The following AK7 variants were observed in gnomAD, a reference collection of about 807,000 sequenced individuals.
The protein encoded by AK7 is adenylate kinase 7.
AK7 carries 78 observed loss-of-function variants against 96.6 expected under a neutral mutation model. The ratio of observed to expected loss-of-function variants is 0.81; its 90% confidence interval spans 0.67 to 0.97. AK7 has a LOEUF of 0.97. Among genes scored for constraint, AK7 ranks in the 50% least tolerant of loss-of-function variants. The pLI is 0.00. For synonymous variants in AK7, 302 were observed against 317.2 expected (o/e 0.95, Z 0.51); for missense variants, 855 against 887.9 (o/e 0.96, Z 0.47).
chr14:96,462,846 AGTT>A (rs1894330369), intron 12 of AK7, among the ~76,000 whole-genome samples: 1 of 152,166 alleles, frequency 6.6e-6, no homozygotes, highest in Non-Finnish European at 1.5e-5. Flanking sequence ...TTCTTAAAAC[AGTT>A]AACCTTGGCC....
At chr14:96,463,333 G>A (rs1431802812) in intron 12 of AK7, among the ~76,000 whole-genome samples, 3 of 152,114 alleles carry the variant, frequency 2.0e-5, no homozygotes, top group African/African-American at 4.8e-5. Flanking sequence ...AAGTCACCAA[G>A]CATGGCTTGA....
At position 96,478,562 on chromosome 14, in the gene AK7, C is replaced by A. The variant is rs780736532; in HGVS notation, c.1653C>A (p.Asp551Glu). 3.1e-6 allele frequency: 5 copies of A among 1,614,186 alleles called. No individual in the cohort carries two copies. Among genetic ancestry groups the A allele is most frequent in the Non-Finnish European group, 4.2e-6 (5 of 1,180,032 alleles). The change falls in exon 15 of 18, where the codon GAC (aspartate) becomes GAA (glutamate). Residue 551 changes from aspartate to glutamate, a missense_variant. Transcript: ENST00000267584. ...TGGCGGGGACCCACTACAGCCAAGA[C>A]CGATTCCTCCGGGCTCTGAGCAACT... ...SIVAGTHYSQDRFLRALSNYR... is the reference protein window; with the variant it reads ...SIVAGTHYSQERFLRALSNYR...
At chr14:96,459,934 A>T (rs527791843) in intron 12 of AK7, among the ~76,000 whole-genome samples, 1 of 152,304 alleles carries the variant, frequency 6.6e-6, no homozygotes, top group Non-Finnish European at 1.5e-5. Flanking sequence ...TACGTAATAC[A>T]GGAAGACGTA....
At chr14:96,420,365 C>T (rs1045347025) in intron 4 of AK7, among the ~76,000 whole-genome samples, 4 of 151,542 alleles carry the variant, frequency 2.6e-5, no homozygotes, top group Admixed American at 6.6e-5. Flanking sequence ...TGTGGTGGCA[C>T]GCACCTGTAA....
In AK7 at chr14:96,399,822, C is replaced by G. The variant is rs1890301174; in HGVS notation, c.294+1559C>G. 6.6e-6 allele frequency among the ~76,000 whole-genome samples: 1 copy of G among 152,062 alleles called. No individual in the cohort carries two copies. Among genetic ancestry groups the G allele is most frequent in the Admixed American group, 6.6e-5 (1 of 15,260 alleles). On this transcript the variant is annotated intron_variant, in intron 2 of 17. Transcript: ENST00000267584. This position sits in a 1 kb window ranked among gnomAD's most constrained non-coding sequence, Gnocchi z 4.1. ...TTTTACCCTTTAAATGCGGTTTTCCCCAGAGCTCACTCCCTTCCTACAACA... is the reference window on the plus strand; with the variant it reads ...TTTTACCCTTTAAATGCGGTTTTCCGCAGAGCTCACTCCCTTCCTACAACA...
At chr14:96,406,111 T>G (rs1208321308) in intron 3 of AK7, among the ~76,000 whole-genome samples, 2 of 151,596 alleles carry the variant, frequency 1.3e-5, no homozygotes, top group African/African-American at 2.4e-5. Flanking sequence ...TGGAGTGCAG[T>G]GGCACTGTCT....
At chr14:96,483,250 T>C (rs750740054) in intron 16 of AK7, 31 bp downstream of exon 16, 5 of 1,562,454 alleles carry the variant, frequency 3.2e-6, no homozygotes, top group Middle Eastern at 4.1e-4. Flanking sequence ...TGAGTCTGTG[T>C]ATCTGTGGAA....
intron 12 of AK7, among the ~76,000 whole-genome samples, chr14:96,459,233 G>A (rs1430994156): frequency 1.3e-5 from 2 of 152,038 alleles, no homozygotes; most frequent in South Asian, 4.1e-4. Context: ...AGCTACTCGG[G>A]AAGGTGAGGC....
intron 14 of AK7, among the ~76,000 whole-genome samples, chr14:96,477,824 C>G (rs1199717416): frequency 6.6e-6 from 1 of 152,120 alleles, no homozygotes; most frequent in Non-Finnish European, 1.5e-5. Flanking sequence ...GGCAAACTGG[C>G]CATCAAAGCA....
At chr14:96,426,380 A>T (rs1892029757) in intron 5 of AK7, among the ~76,000 whole-genome samples, 1 of 151,734 alleles carries the variant, frequency 6.6e-6, no homozygotes, top group African/African-American at 2.4e-5. Flanking sequence ...TGTGTCATAA[A>T]AAGCTGTTGT....
At chr14:96,415,418 A>G (rs138665882) in intron 4 of AK7, among the ~76,000 whole-genome samples, 57 of 152,286 alleles carry the variant, frequency 3.7e-4, no homozygotes, top group Non-Finnish European at 4.0e-4. Flanking sequence ...GAACATCTGG[A>G]TTCCCTGCAT....
intron 15 of AK7, among the ~76,000 whole-genome samples, chr14:96,479,909 G>GGA (rs112193972): frequency 0.19 from 28,877 of 152,004 alleles, 2,956 homozygotes; most frequent in African/African-American, 0.28. Context: ...TGGAGTATCG[G>GGA]GAGGCTTAGT....
chr14:96,457,308 G>T (rs377070908), intron 11 of AK7, among the ~76,000 whole-genome samples: 1 of 152,012 alleles, frequency 6.6e-6, no homozygotes, highest in African/African-American at 2.4e-5. Context: ...TGATCCGCCC[G>T]CCTTGGCCTC....
chr14:96,428,587 A>G (rs1892165851), intron 5 of AK7, among the ~76,000 whole-genome samples: 2 of 152,316 alleles, frequency 1.3e-5, no homozygotes, highest in Non-Finnish European at 2.9e-5. Flanking sequence ...CCAACAGTGT[A>G]AAAGTGTTCC....
intron 5 of AK7, among the ~76,000 whole-genome samples, chr14:96,435,607 C>A (rs1892592726): frequency 6.6e-6 from 1 of 152,140 alleles, no homozygotes; most frequent in Admixed American, 6.5e-5. Flanking sequence ...CACTGGAACT[C>A]ACCTAGAGTT....
At chr14:96,483,548 A>C (rs1234625543) in intron 16 of AK7, among the ~76,000 whole-genome samples, 1 of 151,484 alleles carries the variant, frequency 6.6e-6, no homozygotes, top group East Asian at 1.9e-4. Context: ...CAGCCTCCCC[A>C]GTGGCTGGGA....
intron 12 of AK7, among the ~76,000 whole-genome samples, chr14:96,468,214 C>CAA (rs71103532): frequency 0.11 from 11,980 of 107,024 alleles, 1,834 homozygotes; most frequent in African/African-American, 0.37. Flanking sequence ...GACCCTGTCT[C>CAA]AAAAAAAAAA....
chr14:96,400,915 T>G (rs1171505449), intron 2 of AK7, among the ~76,000 whole-genome samples: 1 of 152,194 alleles, frequency 6.6e-6, no homozygotes, highest in Non-Finnish European at 1.5e-5. Context: ...AGACAACGAA[T>G]AGTGTCTTTT....
chr14:96,438,611 C>T (rs1197138948), intron 6 of AK7, among the ~76,000 whole-genome samples: 1 of 152,134 alleles, frequency 6.6e-6, no homozygotes. Context: ...GAGGTCAAAG[C>T]GGTAATGAGA....
Sources: allele counts gnomAD v4.1 joint callset (sites outside exome capture counted in the v4.1 genomes callset), GRCh38; gene constraint gnomAD v4.1.1; non-coding constraint Gnocchi (gnomAD v3.1); transcripts MANE v1.5; gene names NCBI Gene and HGNC (gene_info 2026-07-23, HGNC 2026-07-21).